Variants in SLC24A2 observed in about 807,000 individuals in gnomAD.
SLC24A2 encodes sodium/potassium/calcium exchanger 2.
SLC24A2 carries 36 observed loss-of-function variants against 62.0 expected under a neutral mutation model. The observed-to-expected ratio is 0.58, with a 90% confidence interval of 0.44 to 0.77. The LOEUF (loss-of-function observed/expected upper bound fraction) is 0.77. SLC24A2 is among the 30% of genes least tolerant of loss of function. The pLI is 0.00. For synonymous variants in SLC24A2, 358 were observed against 294.0 expected (o/e 1.22, Z -2.23); for missense variants, 846 against 817.9 (o/e 1.03, Z -0.42).
At chr9:19,842,291 G>A in the SLC24A2 span, among the ~76,000 whole-genome samples, 1 of 152,134 alleles carries the variant, frequency 6.6e-6, no homozygotes, top group East Asian at 1.9e-4. Context: ...GCAGCACTGG[G>A]ATCATAACTG....
At chr9:19,618,565 C>A (rs1389931705) in intron 4 of SLC24A2, among the ~76,000 whole-genome samples, 1 of 152,154 alleles carries the variant, frequency 6.6e-6, no homozygotes, top group Non-Finnish European at 1.5e-5. Flanking sequence ...GAAGATAGGT[C>A]CTTGGGAGCC....
the SLC24A2 span, among the ~76,000 whole-genome samples, chr9:20,009,574 C>A: frequency 6.6e-6 from 1 of 152,112 alleles, no homozygotes; most frequent in African/African-American, 2.4e-5. Context: ...TAGCCAGCTT[C>A]TCCACACAGC....
At chr9:20,027,933 G>C in the SLC24A2 span, among the ~76,000 whole-genome samples, 462 of 152,110 alleles carry the variant, frequency 3.0e-3, 3 homozygotes, top group African/African-American at 0.011. Context: ...ATGGGCTTTA[G>C]GCCAATTCAG....
At chr9:19,962,484 C>T in the SLC24A2 span, among the ~76,000 whole-genome samples, 1 of 152,178 alleles carries the variant, frequency 6.6e-6, no homozygotes, top group South Asian at 2.1e-4. Flanking sequence ...ATTGATTCTT[C>T]CTACCCATGA....
chr9:20,138,108 CT>C, the SLC24A2 span, among the ~76,000 whole-genome samples: 3 of 152,016 alleles, frequency 2.0e-5, no homozygotes, highest in South Asian at 2.1e-4. Context: ...ACCAAGGTAA[CT>C]TTTTTTTAAT....
At chr9:19,742,459 T>C (rs1475527767) in intron 2 of SLC24A2, among the ~76,000 whole-genome samples, 1 of 152,152 alleles carries the variant, frequency 6.6e-6, no homozygotes, top group Non-Finnish European at 1.5e-5. Flanking sequence ...CTTAAACTGA[T>C]AGATAATGCC....
chr9:20,285,323 G>T, the SLC24A2 span, among the ~76,000 whole-genome samples: 1 of 152,216 alleles, frequency 6.6e-6, no homozygotes, highest in Non-Finnish European at 1.5e-5. Flanking sequence ...TAAGGAGTTG[G>T]CTTGTGTGAT....
At chr9:20,122,233 G>A in the SLC24A2 span, among the ~76,000 whole-genome samples, 1 of 152,224 alleles carries the variant, frequency 6.6e-6, no homozygotes, top group Non-Finnish European at 1.5e-5. Flanking sequence ...CAAATGCACT[G>A]ATTACTTGTC....
the SLC24A2 span, among the ~76,000 whole-genome samples, chr9:20,168,157 A>G: frequency 6.6e-6 from 1 of 152,048 alleles, no homozygotes; most frequent in Admixed American, 6.6e-5. Flanking sequence ...ATGTATGTCT[A>G]TCAGACCTAG....
At chr9:19,874,929 C>T in the SLC24A2 span, among the ~76,000 whole-genome samples, 1 of 144,424 alleles carries the variant, frequency 6.9e-6, no homozygotes, top group Admixed American at 7.4e-5. Context: ...TACAGAAGCA[C>T]TTCTAGCTTC....
intron 2 of SLC24A2, among the ~76,000 whole-genome samples, chr9:19,684,138 C>A (rs991321450): frequency 6.6e-6 from 1 of 152,232 alleles, no homozygotes; most frequent in South Asian, 2.1e-4. Flanking sequence ...CAGGATGCCC[C>A]TGCAGGGCCA....
the SLC24A2 span, among the ~76,000 whole-genome samples, chr9:20,120,348 A>T: frequency 6.6e-6 from 1 of 152,180 alleles, no homozygotes; most frequent in South Asian, 2.1e-4. Flanking sequence ...AATGTGGTAC[A>T]TGTACACCAT....
chr9:19,690,225 T>G (rs1189077355), intron 2 of SLC24A2, among the ~76,000 whole-genome samples: 5 of 152,016 alleles, frequency 3.3e-5, no homozygotes, highest in African/African-American at 1.2e-4. Context: ...ACTTCTCCTA[T>G]TGGTTCTATT....
the SLC24A2 span, among the ~76,000 whole-genome samples, chr9:19,909,373 C>T: frequency 5.3e-5 from 8 of 152,106 alleles, no homozygotes; most frequent in Middle Eastern, 3.4e-3. Flanking sequence ...AGGAGATATA[C>T]CTAATGTAAA....
At chr9:19,597,086 T>G in intron 5 of SLC24A2, 143 bp downstream of exon 5, 2 of 666,140 alleles carry the variant, frequency 3.0e-6, no homozygotes, top group Admixed American at 2.6e-5. Context: ...TGGCAAAAAC[T>G]AGACAAAAAT....
intron 8 of SLC24A2, among the ~76,000 whole-genome samples, chr9:19,535,664 G>C (rs1281755614): frequency 6.6e-6 from 1 of 152,150 alleles, no homozygotes; most frequent in African/African-American, 2.4e-5. Flanking sequence ...GATGATTGTA[G>C]ATGTGTGGTG....
At chr9:20,285,200 G>A in the SLC24A2 span, among the ~76,000 whole-genome samples, 1 of 152,166 alleles carries the variant, frequency 6.6e-6, no homozygotes, top group South Asian at 2.1e-4. Flanking sequence ...TCATGTTGAA[G>A]TCCTAACATC....
the SLC24A2 span, among the ~76,000 whole-genome samples, chr9:20,210,992 C>A: frequency 6.6e-6 from 1 of 151,680 alleles, no homozygotes; most frequent in African/African-American, 2.4e-5. Flanking sequence ...CCGGAATAGG[C>A]AGAACTTTAG....
chr9:19,540,468 T>A lies in SLC24A2; in HGVS notation c.1479+9669A>T, dbSNP rs1453796097. Among the ~76,000 whole-genome samples, 5 of 151,502 alleles carry A rather than the reference T, an allele frequency of 3.3e-5. No individual in the cohort carries two copies. The East Asian group carries it at 9.7e-4, about 29-fold the overall frequency. On this transcript the variant is annotated intron_variant, in intron 8 of 10. Transcript: ENST00000341998. Reference sequence around the variant, plus strand: ...TTTATTTCTCCTTCACTTATGAAGCTTAGTTTGCCTGGATATGAAATTCTG... The same window carrying A: ...TTTATTTCTCCTTCACTTATGAAGCATAGTTTGCCTGGATATGAAATTCTG...
Sources: gnomAD v4.1 joint callset for allele counts (sites outside exome capture counted in the v4.1 genomes callset) on GRCh38, gnomAD v4.1.1 for gene constraint, MANE v1.5 for transcripts, NCBI Gene and HGNC (gene_info 2026-07-23, HGNC 2026-07-21) for gene names.